The following POU2F2 variants were observed in gnomAD, a reference collection of about 807,000 sequenced individuals.
POU2F2 encodes POU domain, class 2, transcription factor 2.
POU2F2 carries 14 observed loss-of-function variants against 63.5 expected under a neutral mutation model. That is an observed-to-expected ratio of 0.22 (90% confidence interval 0.15 to 0.34). The LOEUF (loss-of-function observed/expected upper bound fraction) is 0.34. POU2F2 is among the 10% of genes least tolerant of loss of function. POU2F2 has a pLI of 1.00. For synonymous variants in POU2F2, 306 were observed against 348.6 expected (o/e 0.88, Z 1.36); for missense variants, 607 against 815.2 (o/e 0.74, Z 3.11).
intron 1 of POU2F2, among the ~76,000 whole-genome samples, chr19:42,130,234 C>T (rs1353320866): frequency 1.3e-5 from 2 of 152,144 alleles, no homozygotes; most frequent in African/African-American, 4.8e-5. Context: ...TACACATGTT[C>T]TCACACCAAG....
chr19:42,174,250 T>C (rs2034827906), intron 1 of POU2F2, among the ~76,000 whole-genome samples: 1 of 152,132 alleles, frequency 6.6e-6, no homozygotes, highest in African/African-American at 2.4e-5. Flanking sequence ...CATGCAGAAA[T>C]GGTACTTTCA....
intron 1 of POU2F2, among the ~76,000 whole-genome samples, chr19:42,128,958 G>A (rs909217656): frequency 6.6e-6 from 1 of 151,848 alleles, no homozygotes; most frequent in Admixed American, 6.6e-5. Context: ...TCAGCCTCCC[G>A]AGTAGCTGCA....
At chr19:42,138,469 GCTTTCCCAAGTTT>G (rs2034063175) in intron 2 of POU2F2, among the ~76,000 whole-genome samples, 1 of 152,080 alleles carries the variant, frequency 6.6e-6, no homozygotes, top group African/African-American at 2.4e-5. Flanking sequence ...GACAAACTTG[GCTTTCCCAAGTTT>G]GTCCTCAAGT....
chr19:42,105,905 G>T (rs1378581341), intron 5 of POU2F2, among the ~76,000 whole-genome samples: 6 of 150,564 alleles, frequency 4.0e-5, no homozygotes, highest in Non-Finnish European at 7.4e-5. Flanking sequence ...ATGTTTTTGT[G>T]CCCTGAATTC....
rs750591620 is a variant in POU2F2 at position 42,117,308 on chromosome 19, G to A, written c.311C>T (p.Pro104Leu). ...SAPAAPLPPQ[P>L]AQPHLPQAQL... is the part of the protein sequence containing the mutation. ...GGCCTGGGGCAGATGAGGCTGGGCCGGCTGAGGGGGCAGGGGTGCTGCTGG... is the reference window on the plus strand; with the variant it reads ...GGCCTGGGGCAGATGAGGCTGGGCCAGCTGAGGGGGCAGGGGTGCTGCTGG... Residue 104 changes from proline (P) to leucine (L), a missense_variant, in exon 5 of 15, where the codon CCG becomes CTG. Physicochemically the swap from Pro to Leu is moderately conservative, Grantham distance 98. Coordinates refer to ENST00000692977, the MANE Select transcript of POU2F2 (RefSeq NM_001394376.1). The surrounding 1 kb of genome is among the most constrained non-coding windows in gnomAD (Gnocchi z 4.4). 21 of 1,518,766 alleles carry A rather than the reference G, an allele frequency of 1.4e-5. No individual in the cohort carries two copies. Among genetic ancestry groups the A allele is most frequent in the South Asian group, 6.6e-5 (5 of 75,538 alleles). 94.1% of individuals were successfully genotyped at this position (1,518,766 alleles called of 1,614,324 possible). A position where few individuals can be genotyped will look rare whatever the true frequency, so the allele number is the denominator to read the frequency against.
chr19:42,193,196 C>T (rs1435461555), intron 1 of POU2F2, among the ~76,000 whole-genome samples: 1 of 129,008 alleles, frequency 7.8e-6, no homozygotes, highest in East Asian at 2.2e-4. Flanking sequence ...GCAACCTGGG[C>T]GACAGAACGA....
chr19:42,190,192 A>G (rs1390428855), intron 1 of POU2F2, among the ~76,000 whole-genome samples: 1 of 152,116 alleles, frequency 6.6e-6, no homozygotes, highest in Non-Finnish European at 1.5e-5. Context: ...ACAGGTGGAG[A>G]GGAGGACAAG....
chr19:42,106,839 CAGGAGG>C (rs1480093404), intron 5 of POU2F2, among the ~76,000 whole-genome samples: 1 of 147,704 alleles, frequency 6.8e-6, no homozygotes, highest in Admixed American at 6.7e-5. Context: ...GGAGGAGGAG[CAGGAGG>C]AGAAGGAGAA....
intron 1 of POU2F2, among the ~76,000 whole-genome samples, chr19:42,188,380 G>GA (rs965190674): frequency 6.8e-5 from 10 of 146,640 alleles, no homozygotes; most frequent in Non-Finnish European, 9.0e-5. Flanking sequence ...AAAAAAAAAA[G>GA]AAAAAAAGGG....
chr19:42,142,054 A>G (rs1324955087), intron 2 of POU2F2, among the ~76,000 whole-genome samples: 2 of 152,250 alleles, frequency 1.3e-5, no homozygotes, highest in Non-Finnish European at 1.5e-5. Flanking sequence ...ATACAACTTG[A>G]TATCATTGAT....
In POU2F2 at chr19:42,156,913, G is replaced by A. The variant is rs1032723593; in HGVS notation, c.-9+3419C>T. On this transcript the variant is annotated intron_variant, in intron 2 of 6. Coordinates refer to the POU2F2 transcript ENST00000524801. The surrounding 1 kb of genome is among the most constrained non-coding windows in gnomAD (Gnocchi z 4.1). ...CACCTAGAGCAAAGCTTCTGCTTCC[G>A]AGGCATTCAGGACTCCCCTCAGGGT... The A allele has an allele frequency of 3.9e-5, 6 of 152,242 alleles. No individual in the cohort carries two copies. Among genetic ancestry groups the A allele is most frequent in the African/African-American group, 1.4e-4 (6 of 41,438 alleles). The allele number at this position is 152,242 out of a possible 1,614,324, so 9.4% of individuals were successfully genotyped here.
chr19:42,193,374 T>C (rs2146829223), intron 1 of POU2F2, among the ~76,000 whole-genome samples: 1 of 152,240 alleles, frequency 6.6e-6, no homozygotes, highest in South Asian at 2.1e-4. Context: ...ATTATTTGGG[T>C]GGGCCCTTAA....
intron 5 of POU2F2, chr19:42,110,420 G>A (rs1220014076): frequency 6.3e-6 from 1 of 157,566 alleles, no homozygotes; most frequent in East Asian, 1.8e-4. Flanking sequence ...AAGCCACCTG[G>A]GTGAAAATCC....
At chr19:42,178,835 G>C (rs1375985219), upstream of POU2F2, among the ~76,000 whole-genome samples, 1 of 152,076 alleles carries the variant, frequency 6.6e-6, no homozygotes, top group Non-Finnish European at 1.5e-5. Context: ...GAAATACAGA[G>C]ATGGTGAGAG....
intron 1 of POU2F2, among the ~76,000 whole-genome samples, chr19:42,188,906 A>AGGAAGGAC (rs2035045288): frequency 4.0e-4 from 1 of 2,474 alleles, no homozygotes; most frequent in African/African-American, 8.7e-4. Flanking sequence ...AAGAGAAGAG[A>AGGAAGGAC]GGAAGGAAGG....
At chr19:42,180,409 C>G (rs181255758), upstream of POU2F2, among the ~76,000 whole-genome samples, 25 of 152,308 alleles carry the variant, frequency 1.6e-4, no homozygotes, top group Non-Finnish European at 2.6e-4. Context: ...ACAACCCACA[C>G]ACTATCCATT....
chr19:42,179,566 G>A (rs2034937144), upstream of POU2F2, among the ~76,000 whole-genome samples: 1 of 152,040 alleles, frequency 6.6e-6, no homozygotes, highest in South Asian at 2.1e-4. Context: ...GAGGACGCAG[G>A]CACGCGCTGC....
chr19:42,184,350 C>T (rs866308344), intron 1 of POU2F2, among the ~76,000 whole-genome samples: 1 of 152,120 alleles, frequency 6.6e-6, no homozygotes. Flanking sequence ...TCCTTCCTGC[C>T]GCCCTTCCCA....
intron 2 of POU2F2, among the ~76,000 whole-genome samples, chr19:42,158,162 GATATTTTGGCAAC>G (rs2034491543): frequency 1.3e-5 from 2 of 152,196 alleles, no homozygotes. Flanking sequence ...TGAACCACCT[GATATTTTGGCAAC>G]AGCCTTCAAG....
Sources: gnomAD v4.1 joint callset for allele counts (sites outside exome capture counted in the v4.1 genomes callset) on GRCh38, gnomAD v4.1.1 for gene constraint, Gnocchi (gnomAD v3.1) non-coding constraint, MANE v1.5 for transcripts, NCBI Gene and HGNC (gene_info 2026-07-23, HGNC 2026-07-21) for gene names.